The following CDK6 variants were observed in gnomAD, a reference collection of about 807,000 sequenced individuals.
The protein encoded by CDK6 is cyclin dependent kinase 6.
A neutral mutation model predicts 37.1 loss-of-function variants in CDK6; 6 were observed. The observed-to-expected ratio is 0.16, with a 90% confidence interval of 0.09 to 0.32. The LOEUF (loss-of-function observed/expected upper bound fraction) is 0.32. CDK6 is among the 10% of genes least tolerant of loss of function. The pLI is 1.00. For missense variants in CDK6, 224 were observed against 418.9 expected (o/e 0.53, Z 4.06); for synonymous variants, 160 against 161.3 (o/e 0.99, Z 0.06).
At chr7:92,739,277 C>T (rs923639622) in intron 3 of CDK6, among the ~76,000 whole-genome samples, 4 of 152,200 alleles carry the variant, frequency 2.6e-5, no homozygotes, top group Non-Finnish European at 5.9e-5. Flanking sequence ...CATTCTGAGG[C>T]ATCCCCAGTC....
chr7:92,697,228 C>G (rs1334484919), intron 4 of CDK6, among the ~76,000 whole-genome samples: 1 of 152,168 alleles, frequency 6.6e-6, no homozygotes, highest in Non-Finnish European at 1.5e-5. Context: ...TCCTTGTTAT[C>G]TATTGTGGAA....
chr7:92,664,186 C>T (rs553773399), intron 5 of CDK6, among the ~76,000 whole-genome samples: 2 of 151,526 alleles, frequency 1.3e-5, no homozygotes, highest in South Asian at 4.2e-4. Context: ...TTGGCTGGTT[C>T]TTTAAAGGAA....
intron 2 of CDK6, among the ~76,000 whole-genome samples, chr7:92,794,619 A>C (rs3731288): frequency 0.19 from 28,880 of 151,956 alleles, 3,914 homozygotes; most frequent in African/African-American, 0.38. Context: ...TTCAAAGATT[A>C]TGCTCACACA....
At position 92,774,737 on chromosome 7, in the gene CDK6, C is replaced by T. The variant is rs35654944; in HGVS notation, c.328G>A (p.Asp110Asn). The T allele has an allele frequency of 2.6e-3, 4,140 of 1,610,506 alleles. 7 individuals are homozygous for T. Among genetic ancestry groups the T allele is most frequent in the Non-Finnish European group, 3.3e-3 (3,857 of 1,178,714 alleles). Residue 110 changes from aspartate (D) to asparagine (N), a missense_variant, in exon 3 of 8, where the codon GAT becomes AAT. Around this residue, in one of 5 missense-constraint regions of CDK6, gnomAD observed 82 missense variants for 202.1 expected, o/e 0.41. Transcript: ENST00000424848. ...HVDQDLTTYL[D>N]KVPEPGVPTE... ...GGCACTCCAGGCTCTGGAACTTTAT[C>T]CAAGTAAGTGGTCAAGTCTTGATCG...
At chr7:92,785,233 T>C (rs1222224109) in intron 2 of CDK6, among the ~76,000 whole-genome samples, 2 of 152,168 alleles carry the variant, frequency 1.3e-5, no homozygotes, top group African/African-American at 4.8e-5. Flanking sequence ...ATACATGCTA[T>C]GACATGGATA....
Position 92,725,803 on chromosome 7 carries a change from T to G in CDK6, c.370-10A>C. ...GCTGAAACATCATATCCTAATAAAA[T>G]TAAAAAAAGAAAATCAGTAAACACT... On this transcript the variant is annotated splice_polypyrimidine_tract_variant and intron_variant, in intron 3 of 7. Coordinates refer to ENST00000424848, the MANE Select transcript of CDK6 (RefSeq NM_001145306.2). 1.2e-6 allele frequency: 2 copies of G among 1,600,360 alleles called. No homozygotes were observed. Among genetic ancestry groups the G allele is most frequent in the Non-Finnish European group, 1.7e-6 (2 of 1,174,008 alleles).
At chr7:92,647,959 C>A (rs921826575) in intron 5 of CDK6, among the ~76,000 whole-genome samples, 5 of 152,182 alleles carry the variant, frequency 3.3e-5, no homozygotes, top group African/African-American at 1.2e-4. Flanking sequence ...GTGTCTCCCT[C>A]TATAGCATGA....
intron 3 of CDK6, among the ~76,000 whole-genome samples, chr7:92,760,015 T>C (rs546307665): frequency 5.1e-4 from 77 of 152,326 alleles, no homozygotes; most frequent in African/African-American, 1.8e-3. Context: ...ACAATCTCCC[T>C]GTACCTGCTA....
intron 5 of CDK6, among the ~76,000 whole-genome samples, chr7:92,631,124 G>A (rs113425527): frequency 1.6e-3 from 247 of 152,232 alleles, no homozygotes; most frequent in African/African-American, 5.3e-3. Context: ...CAGGGAATTC[G>A]TTCATGAGTA....
chr7:92,625,276 C>G (rs1164716647), intron 5 of CDK6, among the ~76,000 whole-genome samples: 1 of 150,468 alleles, frequency 6.6e-6, no homozygotes, highest in Non-Finnish European at 1.5e-5. Flanking sequence ...TATTCCTGGC[C>G]AATATTATAC....
At chr7:92,814,596 A>G (rs1800976869) in intron 2 of CDK6, among the ~76,000 whole-genome samples, 1 of 151,792 alleles carries the variant, frequency 6.6e-6, no homozygotes, top group African/African-American at 2.4e-5. Flanking sequence ...TTATTCAAAA[A>G]TTTATTTTAA....
intron 4 of CDK6, among the ~76,000 whole-genome samples, chr7:92,706,193 G>A (rs1293951533): frequency 6.6e-6 from 1 of 152,196 alleles, no homozygotes; most frequent in Non-Finnish European, 1.5e-5. Flanking sequence ...TTCCCAAGAG[G>A]AAGTGATCGG....
intron 3 of CDK6, among the ~76,000 whole-genome samples, chr7:92,764,774 C>A (rs1359778122): frequency 6.6e-6 from 1 of 152,188 alleles, no homozygotes; most frequent in Non-Finnish European, 1.5e-5. Flanking sequence ...TTACTAGAAC[C>A]AGTAATTACT....
intron 4 of CDK6, among the ~76,000 whole-genome samples, chr7:92,722,921 A>T (rs1798401042): frequency 6.6e-6 from 1 of 152,240 alleles, no homozygotes; most frequent in African/African-American, 2.4e-5. Context: ...ACAGTGGCTT[A>T]TGCCTGTAAT....
chr7:92,701,909 CACTT>C (rs1243562597), intron 4 of CDK6: 4 of 152,222 alleles, frequency 2.6e-5, no homozygotes, highest in African/African-American at 7.2e-5. Flanking sequence ...CTAGGAAACT[CACTT>C]GCCCTGTGTT....
At chr7:92,674,258 T>C (rs1218124521) in intron 4 of CDK6, among the ~76,000 whole-genome samples, 1 of 152,112 alleles carries the variant, frequency 6.6e-6, no homozygotes, top group African/African-American at 2.4e-5. Context: ...ATTTCACCTA[T>C]TCTACAAGGC....
intron 5 of CDK6, among the ~76,000 whole-genome samples, chr7:92,663,804 G>A (rs927162927): frequency 6.6e-6 from 1 of 152,018 alleles, no homozygotes; most frequent in Admixed American, 6.6e-5. Flanking sequence ...ACCAAAATTG[G>A]ACCTTTTCCT....
chr7:92,694,535 T>C (rs577150390), intron 4 of CDK6, among the ~76,000 whole-genome samples: 2 of 152,342 alleles, frequency 1.3e-5, no homozygotes, highest in East Asian at 3.9e-4. Context: ...AAAATTGGAA[T>C]TCCAGAAGAG....
At chr7:92,686,604 T>G (rs1206228127) in intron 4 of CDK6, among the ~76,000 whole-genome samples, 1 of 152,160 alleles carries the variant, frequency 6.6e-6, no homozygotes, top group East Asian at 1.9e-4. Flanking sequence ...CATGTGCAAG[T>G]ATTTTTTTCG....
Sources: allele counts gnomAD v4.1 joint callset (sites outside exome capture counted in the v4.1 genomes callset), GRCh38; gene constraint gnomAD v4.1.1; regional missense constraint gnomAD v4.1.1; transcripts MANE v1.5; gene names NCBI Gene and HGNC (gene_info 2026-07-23, HGNC 2026-07-21).